Variants in ARL17A observed in about 807,000 individuals in gnomAD.
ARL17A encodes ADP-ribosylation factor-like 17-like.
rs540196551 is a variant in ARL17A at position 46,544,850 on chromosome 17, C to T, written c.260-6424G>A. 3.6e-4 allele frequency among the ~76,000 whole-genome samples: 47 copies of T among 130,040 alleles called. 2 individuals are homozygous for T. Among genetic ancestry groups the T allele is most frequent in the African/African-American group, 1.4e-3 (44 of 32,240 alleles). The allele number at this position is 130,040 out of a possible 152,430, so 85.3% of individuals were successfully genotyped here. A position where few individuals can be genotyped will look rare whatever the true frequency, so the allele number is the denominator to read the frequency against. On this transcript the variant is annotated intron_variant, in intron 3 of 4. Transcript: ENST00000329240. Reference sequence around the variant, plus strand: ...AAAGATGAAAGAATAGTACAGAATCCAATCAAAGATCAGGCACTGCATGTC... The same window carrying T: ...AAAGATGAAAGAATAGTACAGAATCTAATCAAAGATCAGGCACTGCATGTC...
At chr17:46,501,705 ATC>A in the ARL17A span, among the ~76,000 whole-genome samples, 1 of 151,234 alleles carries the variant, frequency 6.6e-6, no homozygotes, top group Non-Finnish European at 1.5e-5. Context: ...ACAGAATGAT[ATC>A]TCATTGTATG....
chr17:46,503,064 T>C, the ARL17A span, among the ~76,000 whole-genome samples: 1 of 150,628 alleles, frequency 6.6e-6, no homozygotes, highest in African/African-American at 2.5e-5. Context: ...TACAGAAAAT[T>C]AGCCGGCAGT....
chr17:46,531,968 G>T (rs2053700814), intron 4 of ARL17A, among the ~76,000 whole-genome samples: 1 of 146,426 alleles, frequency 6.8e-6, no homozygotes, highest in African/African-American at 2.7e-5. Context: ...GACATATTTT[G>T]CATCAATTCT....
chr17:46,532,101 G>A (rs1333731160), intron 4 of ARL17A, among the ~76,000 whole-genome samples: 21 of 150,436 alleles, frequency 1.4e-4, no homozygotes, highest in South Asian at 8.4e-4. Flanking sequence ...GTTTCAGCAC[G>A]TTTATCAGGC....
intron 3 of ARL17A, among the ~76,000 whole-genome samples, chr17:46,569,090 G>A (rs2146031956): frequency 6.8e-6 from 1 of 147,734 alleles, no homozygotes; most frequent in East Asian, 2.0e-4. Context: ...TTACAGGCAT[G>A]CACCACCAAG....
chr17:46,575,083 C>T (rs1460043631), intron 2 of ARL17A, among the ~76,000 whole-genome samples: 3 of 82,452 alleles, frequency 3.6e-5, no homozygotes, highest in Admixed American at 1.2e-4. Flanking sequence ...GGTGACAGAG[C>T]GAGACTCTAT....
At chr17:46,519,255 G>C (rs1204033391) in intron 3 of ARL17A, among the ~76,000 whole-genome samples, 1 of 149,952 alleles carries the variant, frequency 6.7e-6, no homozygotes, top group Non-Finnish European at 1.5e-5. Context: ...TGGAATTACA[G>C]GTGCCCTCCA....
chr17:46,512,812 G>A (rs2051034179), downstream of ARL17A: 5 of 696,482 alleles, frequency 7.2e-6, no homozygotes, highest in Non-Finnish European at 1.1e-5. Flanking sequence ...GTGGCTACTA[G>A]TTAAGGAGGC....
intron 3 of ARL17A, among the ~76,000 whole-genome samples, chr17:46,569,417 G>T (rs889000493): frequency 9.3e-5 from 14 of 150,726 alleles, no homozygotes; most frequent in Non-Finnish European, 1.9e-4. Context: ...AAGGCATCAT[G>T]TCTGGGATGG....
the ARL17A span, among the ~76,000 whole-genome samples, chr17:46,501,841 C>T: frequency 6.6e-6 from 1 of 151,222 alleles, no homozygotes; most frequent in Middle Eastern, 3.2e-3. Context: ...TTGAATTAAC[C>T]TTGATCAAAT....
chr17:46,500,820 C>G, the ARL17A span, among the ~76,000 whole-genome samples: 11 of 150,996 alleles, frequency 7.3e-5, no homozygotes, highest in African/African-American at 2.7e-4. Context: ...AATAACCTAT[C>G]AGATTATAGG....
chr17:46,528,792 A>AT lies in ARL17A; in HGVS notation c.402dup (p.Cys135MetfsTer14). The AT allele has an allele frequency of 1.5e-6, 1 of 673,124 alleles. No individual in the cohort carries two copies. The highest frequency in any genetic ancestry group is 1.5e-5 in the South Asian group (1 of 64,654). The allele number at this position is 673,124 out of a possible 1,614,324, so 41.7% of individuals were successfully genotyped here. A position where few individuals can be genotyped will look rare whatever the true frequency, so the allele number is the denominator to read the frequency against. ...CTCTAGATTTTGCCCCTGAAAAAGC[A>AT]TTTACGTGATGCAGTCCGAGGTCTT... On this transcript the variant is annotated frameshift_variant, in exon 5 of 5. Transcript: ENST00000329240. LOFTEE classifies it high-confidence loss of function.
chr17:46,551,532 T>C (rs1485374914), downstream of ARL17A, among the ~76,000 whole-genome samples: 1 of 147,604 alleles, frequency 6.8e-6, no homozygotes, highest in Admixed American at 6.7e-5. Flanking sequence ...TCACTCTGCC[T>C]GTGGGAGTCC....
chr17:46,553,490 A>G lies in ARL17A; in HGVS notation c.*3866T>C. On this transcript the variant is annotated 3_prime_UTR_variant, in exon 4 of 4. Coordinates refer to ENST00000336125, the MANE Select transcript of ARL17A (RefSeq NM_001113738.2). ...GTGATTTTTTTTTTCTTCTCTTTTG[A>G]GACGGAGTTTCCCTCTTGTTGCCAG... 6.2e-7 allele frequency: 1 copy of G among 1,607,258 alleles called. No homozygotes were observed. The highest frequency in any genetic ancestry group is 1.1e-5 in the South Asian group (1 of 90,976).
intron 4 of ARL17A, among the ~76,000 whole-genome samples, chr17:46,532,024 A>G (rs1364935286): frequency 2.0e-5 from 3 of 149,688 alleles, no homozygotes; most frequent in Non-Finnish European, 4.4e-5. Flanking sequence ...TATTTTGCAC[A>G]TAGATGTTCA....
downstream of ARL17A, among the ~76,000 whole-genome samples, chr17:46,550,919 A>G (rs2056727811): frequency 6.7e-6 from 1 of 148,444 alleles, no homozygotes; most frequent in Non-Finnish European, 1.5e-5. Context: ...CTGGAGAGGA[A>G]GGAGAGAGCC....
At chr17:46,533,913 A>C (rs1461084666) in intron 4 of ARL17A, among the ~76,000 whole-genome samples, 1 of 113,152 alleles carries the variant, frequency 8.8e-6, no homozygotes, top group Non-Finnish European at 1.7e-5. Context: ...ATTTCTCTTC[A>C]ATTTCAAAGG....
the ARL17A span, among the ~76,000 whole-genome samples, chr17:46,501,757 C>T: frequency 1.3e-5 from 2 of 151,292 alleles, no homozygotes; most frequent in Non-Finnish European, 2.9e-5. Context: ...GGACCGATTT[C>T]AATTCCTGAT....
chr17:46,558,031 A>G (rs116928005), intron 3 of ARL17A, among the ~76,000 whole-genome samples: 23,588 of 134,626 alleles, frequency 0.18, 1,026 homozygotes, highest in East Asian at 0.4. Flanking sequence ...CAGAGAAAAG[A>G]TATCCACAGG....
Sources: allele counts gnomAD v4.1 joint callset (sites outside exome capture counted in the v4.1 genomes callset), GRCh38; gene constraint gnomAD v4.1.1; transcripts MANE v1.5; gene names NCBI Gene and HGNC (gene_info 2026-07-23, HGNC 2026-07-21).